BAIAP2L1: variants seen among roughly 807,000 people sequenced by gnomAD.
BAIAP2L1 encodes BAR/IMD domain-containing adapter protein 2-like 1.
Under a neutral mutation model 66.3 loss-of-function variants are expected in BAIAP2L1, and 35 were observed. The observed-to-expected ratio is 0.53, with a 90% CI of 0.40 to 0.70. BAIAP2L1 has a LOEUF of 0.70. Ranked by LOEUF, BAIAP2L1 falls within the 30% of genes least tolerant of loss-of-function variation. The pLI is 0.00. For synonymous variants in BAIAP2L1, 269 were observed against 248.7 expected (o/e 1.08, Z -0.77); for missense variants, 622 against 656.9 (o/e 0.95, Z 0.58).
intron 1 of BAIAP2L1, among the ~76,000 whole-genome samples, chr7:98,364,986 CAAAAAAAAAAAAA>C (rs531177927): frequency 4.2e-4 from 13 of 30,786 alleles, no homozygotes; most frequent in Admixed American, 7.2e-4. Context: ...GGATATGTCT[CAAAAAAAAAAAAA>C]AAAAAAAAAA....
intron 1 of BAIAP2L1, among the ~76,000 whole-genome samples, chr7:98,378,015 T>C (rs1386560954): frequency 6.6e-6 from 1 of 151,726 alleles, no homozygotes; most frequent in East Asian, 1.9e-4. Flanking sequence ...CGCATGCCTG[T>C]AGTTCCAGCT....
At chr7:98,361,735 CTTCTT>C (rs1786944280) in intron 2 of BAIAP2L1, among the ~76,000 whole-genome samples, 1 of 152,026 alleles carries the variant, frequency 6.6e-6, no homozygotes, top group African/African-American at 2.4e-5. Context: ...AAAAAAATTT[CTTCTT>C]TTTTTTCTTT....
intron 9 of BAIAP2L1, chr7:98,308,843 C>T (rs1263920677): frequency 2.6e-5 from 4 of 153,096 alleles, no homozygotes; most frequent in Admixed American, 2.6e-4. Flanking sequence ...ATGCCAGGTT[C>T]ATTTTTAAAT....
At chr7:98,300,486 G>T (rs982812340) in intron 12 of BAIAP2L1, among the ~76,000 whole-genome samples, 1 of 152,200 alleles carries the variant, frequency 6.6e-6, no homozygotes, top group Non-Finnish European at 1.5e-5. Flanking sequence ...GCATGCAGAT[G>T]ACCGCGCCAT....
At position 98,310,361 on chromosome 7, in the gene BAIAP2L1, C is replaced by G. The variant is rs572810697; in HGVS notation, c.955+84G>C. On this transcript the variant is annotated intron_variant, in intron 9 of 13. Coordinates refer to ENST00000005260, the MANE Select transcript of BAIAP2L1 (RefSeq NM_018842.5). ...TTGTTTACCTCCAAACCTTGCAATA[C>G]ATTTATACAAAATATTTATTTCACA... 31 of 1,468,850 alleles carry G rather than the reference C, an allele frequency of 2.1e-5. No homozygotes were observed. The African/African-American group carries it at 4.5e-4, about 21-fold the overall frequency. 91.0% of individuals were successfully genotyped at this position (1,468,850 alleles called of 1,614,324 possible).
At chr7:98,307,332 C>G (rs1289965583) in intron 10 of BAIAP2L1, 1 of 999,406 alleles carries the variant, frequency 1.0e-6, no homozygotes, top group Non-Finnish European at 1.2e-6. Context: ...TCTGGAACTC[C>G]TAACCTCAGG....
chr7:98,388,763 C>T (rs1802954749), intron 1 of BAIAP2L1, among the ~76,000 whole-genome samples: 2 of 152,046 alleles, frequency 1.3e-5, no homozygotes. Flanking sequence ...GGCTTGAGCC[C>T]AGGAGTTCAA....
At chr7:98,363,874 T>C (rs1802330445) in intron 1 of BAIAP2L1, among the ~76,000 whole-genome samples, 1 of 152,118 alleles carries the variant, frequency 6.6e-6, no homozygotes, top group Admixed American at 6.6e-5. Context: ...AGAGAGAGAA[T>C]AGGACGACTC....
At chr7:98,304,075 C>T in intron 12 of BAIAP2L1, 121 bp downstream of exon 12, 1 of 1,087,250 alleles carries the variant, frequency 9.2e-7, no homozygotes, top group Non-Finnish European at 1.2e-6. Flanking sequence ...TCCCTCCTCC[C>T]CGGGGACACC....
intron 12 of BAIAP2L1, among the ~76,000 whole-genome samples, chr7:98,295,208 G>A (rs2116782688): frequency 6.6e-6 from 1 of 152,308 alleles, no homozygotes; most frequent in Non-Finnish European, 1.5e-5. Context: ...GCCTCCTCTG[G>A]GATGGCCTCC....
intron 1 of BAIAP2L1, among the ~76,000 whole-genome samples, chr7:98,399,261 C>T (rs1266504162): frequency 6.6e-6 from 1 of 152,194 alleles, no homozygotes; most frequent in African/African-American, 2.4e-5. Context: ...GCTGTGTCAA[C>T]TGTGTCTACT....
chr7:98,320,713 T>G (rs1328253546), intron 3 of BAIAP2L1, among the ~76,000 whole-genome samples: 1 of 152,210 alleles, frequency 6.6e-6, no homozygotes, highest in Non-Finnish European at 1.5e-5. Context: ...TCAGGGTCTC[T>G]AAGCATCATC....
chr7:98,390,185 G>A (rs934775742), intron 1 of BAIAP2L1, among the ~76,000 whole-genome samples: 1 of 151,798 alleles, frequency 6.6e-6, no homozygotes, highest in Non-Finnish European at 1.5e-5. Context: ...AAAGTGCTGG[G>A]ATTACAGGCA....
chr7:98,308,630 C>G, intron 9 of BAIAP2L1: 1 of 222,572 alleles, frequency 4.5e-6, no homozygotes. Context: ...CAAACACAGG[C>G]TGATATTTCC....
At chr7:98,301,210 C>G (rs1197917098) in intron 12 of BAIAP2L1, among the ~76,000 whole-genome samples, 2 of 152,184 alleles carry the variant, frequency 1.3e-5, no homozygotes, top group Non-Finnish European at 2.9e-5. Flanking sequence ...ATCTCAGCTG[C>G]CATCAGTGAT....
chr7:98,395,035 C>T (rs751605068), intron 1 of BAIAP2L1, among the ~76,000 whole-genome samples: 2 of 150,942 alleles, frequency 1.3e-5, no homozygotes, highest in African/African-American at 4.9e-5. Flanking sequence ...CGCTTGAACC[C>T]GGGAGGCAAG....
At chr7:98,313,235 G>C (rs919692521) in intron 7 of BAIAP2L1, among the ~76,000 whole-genome samples, 3 of 152,008 alleles carry the variant, frequency 2.0e-5, no homozygotes, top group African/African-American at 7.2e-5. Context: ...AAGGACTGAG[G>C]CGCTTTAGCT....
At chr7:98,293,690 T>A in intron 13 of BAIAP2L1, 94 bp from the exon 14 acceptor site, 3 of 1,268,906 alleles carry the variant, frequency 2.4e-6, no homozygotes, top group South Asian at 1.2e-5. Context: ...CCTGTGAGAC[T>A]GGGCGGCTGA....
chr7:98,315,543 G>A lies in BAIAP2L1; in HGVS notation c.556C>T (p.Leu186=), dbSNP rs763146772. Residue 186 remains leucine, a synonymous_variant, in exon 7 of 14, where the codon CTG becomes TTG. Transcript: ENST00000005260. ...KFIADGCKEA[L]LEEKRRFCFL... ...CAGAAGCGCCTCTTCTCTTCAAGCAGAGCCTCTTTGCAACCATCTGCAATG... is the reference window on the plus strand; with the variant it reads ...CAGAAGCGCCTCTTCTCTTCAAGCAAAGCCTCTTTGCAACCATCTGCAATG... 6.6e-7 allele frequency: 1 copy of A among 1,519,024 alleles called. No homozygotes were observed. Among genetic ancestry groups the A allele is most frequent in the Non-Finnish European group, 8.9e-7 (1 of 1,124,808 alleles). The allele number at this position is 1,519,024 out of a possible 1,614,324, so 94.1% of individuals were successfully genotyped here.
Sources: allele counts gnomAD v4.1 joint callset (sites outside exome capture counted in the v4.1 genomes callset), GRCh38; gene constraint gnomAD v4.1.1; transcripts MANE v1.5; gene names NCBI Gene and HGNC (gene_info 2026-07-23, HGNC 2026-07-21).